Variants in ZNF585A observed in about 807,000 individuals in gnomAD.
The protein encoded by ZNF585A is zinc finger protein 585A.
A neutral mutation model predicts 14.9 loss-of-function variants in ZNF585A; 9 were observed. That is an observed-to-expected ratio of 0.60 (90% CI 0.36 to 1.05). ZNF585A has a LOEUF of 1.05. ZNF585A is among the 50% of genes least tolerant of loss of function. The pLI, the probability that ZNF585A is intolerant of heterozygous loss-of-function variation, is 0.01. For missense variants in ZNF585A, 726 were observed against 926.4 expected (o/e 0.78, Z 2.81); for synonymous variants, 276 against 319.9 (o/e 0.86, Z 1.46).
intron 2 of ZNF585A, among the ~76,000 whole-genome samples, chr19:37,166,373 G>T (rs1048944670): frequency 7.4e-5 from 11 of 148,860 alleles, no homozygotes; most frequent in Non-Finnish European, 1.5e-5. Context: ...AGGCTGGAGT[G>T]CAGTGGCACA....
chr19:37,157,886 TTC>T (rs1444295478), intron 2 of ZNF585A, among the ~76,000 whole-genome samples: 2 of 146,722 alleles, frequency 1.4e-5, no homozygotes, highest in African/African-American at 5.2e-5. Flanking sequence ...TGAGGAAAAG[TTC>T]TTTTTTTTTT....
At chr19:37,162,993 C>T (rs1972034261) in intron 2 of ZNF585A, among the ~76,000 whole-genome samples, 1 of 151,996 alleles carries the variant, frequency 6.6e-6, no homozygotes, top group Non-Finnish European at 1.5e-5. Context: ...AAAAAGTTCC[C>T]TATATACCTG....
intron 2 of ZNF585A, among the ~76,000 whole-genome samples, chr19:37,158,213 G>A (rs943302968): frequency 1.3e-5 from 2 of 152,040 alleles, no homozygotes; most frequent in Non-Finnish European, 2.9e-5. Context: ...AATGATTCTA[G>A]CTAATAAATA....
At position 37,149,006 on chromosome 19, in the gene ZNF585A, C is replaced by G. The variant is rs548117955; in HGVS notation, c.*2583G>C. Reference sequence around the variant, plus strand: ...AGGATTAGAGGAGATGAAGGGATGACAGGCAGAACACAGAGGATTTTTAGG... The same window carrying G: ...AGGATTAGAGGAGATGAAGGGATGAGAGGCAGAACACAGAGGATTTTTAGG... On this transcript the variant is annotated 3_prime_UTR_variant, in exon 5 of 5. Transcript: ENST00000292841. 1 of 152,138 alleles carries G rather than the reference C, an allele frequency of 6.6e-6. No individual in the cohort carries two copies. The allele number at this position is 152,138 out of a possible 1,614,324, so 9.4% of individuals were successfully genotyped here.
intron 1 of ZNF585A, among the ~76,000 whole-genome samples, chr19:37,172,166 T>A (rs961227781): frequency 6.6e-6 from 1 of 152,138 alleles, no homozygotes. Flanking sequence ...ACGAACTAGG[T>A]CATAAAGCAA....
At chr19:37,158,849 C>T (rs1260061654) in intron 2 of ZNF585A, among the ~76,000 whole-genome samples, 1 of 152,170 alleles carries the variant, frequency 6.6e-6, no homozygotes, top group Non-Finnish European at 1.5e-5. Context: ...GAATTCATAT[C>T]TCTCCGAGAT....
chr19:37,154,830 A>G (rs947122509), intron 4 of ZNF585A, among the ~76,000 whole-genome samples: 5 of 151,688 alleles, frequency 3.3e-5, no homozygotes, highest in Non-Finnish European at 5.9e-5. Context: ...AGAAAAAAGA[A>G]AAGAAATAAA....
At chr19:37,165,694 A>T in intron 2 of ZNF585A, 1 of 978,640 alleles carries the variant, frequency 1.0e-6, no homozygotes, top group Non-Finnish European at 1.2e-6. Flanking sequence ...ATCAAGGTTA[A>T]CACTGTAAAC....
chr19:37,169,447 AAAAAG>A (rs1166690277), intron 2 of ZNF585A, among the ~76,000 whole-genome samples: 2 of 151,932 alleles, frequency 1.3e-5, no homozygotes, highest in Non-Finnish European at 2.9e-5. Context: ...AAAAAAAAAA[AAAAAG>A]AAAGAAAGAA....
rs781777230 is a variant in ZNF585A, at chr19:37,170,012, G to A, written c.-102C>T. ...CTCTGAAGAGATGGGCTGGAGTCTA[G>A]AGGAAAATCTGGCCCAGGGGCTCCC... On this transcript the variant is annotated 5_prime_UTR_variant, in exon 2 of 5. Transcript: ENST00000292841. The A allele has an allele frequency of 6.9e-5, 100 of 1,442,916 alleles. No individual in the cohort carries two copies. The highest frequency in any genetic ancestry group is 8.8e-5 in the Non-Finnish European group (94 of 1,068,800). 89.4% of individuals were successfully genotyped at this position (1,442,916 alleles called of 1,614,324 possible).
rs1568494092 is a variant in ZNF585A, at chr19:37,153,534, T to A, written c.365A>T (p.Lys122Ile). The change falls in exon 5 of 5, where the codon AAA becomes ATA. Residue 122 changes from lysine (K) to isoleucine (I), a missense_variant. Lys to Ile is a moderately radical substitution (Grantham distance 102). Around this residue, in one of 2 missense-constraint regions of ZNF585A, gnomAD observed 483 missense variants for 542.8 expected, o/e 0.89. Transcript: ENST00000292841. ...ATAAGCTTTCTCCCCAGGATACATTTTTTGAGGTTGAGAGGATACTTGTTT... is the reference window on the plus strand; with the variant it reads ...ATAAGCTTTCTCCCCAGGATACATTATTTGAGGTTGAGAGGATACTTGTTT... ...SYKQVSSQPQ[K>I]MYPGEKAYEC... is the part of the protein sequence containing the mutation. 6.2e-7 allele frequency: 1 copy of A among 1,614,156 alleles called. No individual in the cohort carries two copies. Among genetic ancestry groups the A allele is most frequent in the Admixed American group, 1.7e-5 (1 of 60,028 alleles).
intron 2 of ZNF585A, 29 bp from the exon 3 acceptor site, chr19:37,156,384 C>A (rs751477491): frequency 5.0e-6 from 8 of 1,613,538 alleles, no homozygotes; most frequent in Non-Finnish European, 6.8e-6. Context: ...GTTCAATGTG[C>A]ACAGTCAGCT....
At chr19:37,167,374 C>T (rs1972108860) in intron 2 of ZNF585A, among the ~76,000 whole-genome samples, 1 of 151,948 alleles carries the variant, frequency 6.6e-6, no homozygotes, top group South Asian at 2.1e-4. Flanking sequence ...GGAGTTTCAC[C>T]ATGTTGGCCA....
In ZNF585A at chr19:37,158,107, C is replaced by T. The variant is rs552097683; in HGVS notation, c.73-1752G>A. Reference sequence around the variant, plus strand: ...TTCACCATGCTGGCCAGGATGGTCTCGATCTCCTGACCTCACGATCTACCT... The same window carrying T: ...TTCACCATGCTGGCCAGGATGGTCTTGATCTCCTGACCTCACGATCTACCT... On this transcript the variant is annotated intron_variant, in intron 2 of 4. Coordinates refer to ENST00000292841, the MANE Select transcript of ZNF585A (RefSeq NM_001288800.2). 1.2e-4 allele frequency among the ~76,000 whole-genome samples: 18 copies of T among 152,146 alleles called. No individual in the cohort carries two copies. In the South Asian group the frequency reaches 2.7e-3, roughly 23 times the overall value.
At position 37,156,326 on chromosome 19, in the gene ZNF585A, G is replaced by A. The variant is rs773193616; in HGVS notation, c.102C>T (p.Ile34=). 13 of 1,613,994 alleles carry A rather than the reference G, an allele frequency of 8.1e-6. No individual in the cohort carries two copies. Among genetic ancestry groups the A allele is most frequent in the East Asian group, 2.2e-5 (1 of 44,890 alleles). The change falls in exon 3 of 5, where the codon ATC becomes ATT. Residue 34 remains isoleucine, a synonymous_variant. Coordinates refer to ENST00000292841, the MANE Select transcript of ZNF585A (RefSeq NM_001288800.2). ...GCCGCCATTCCTCTCTGCTGAAATCGATAGCCACATCCCTGAAGGACACTG... is the reference window on the plus strand; with the variant it reads ...GCCGCCATTCCTCTCTGCTGAAATCAATAGCCACATCCCTGAAGGACACTG... ...EGSVSFRDVA[I]DFSREEWRHL...
At chr19:37,170,386 A>G (rs1324523165) in intron 1 of ZNF585A, among the ~76,000 whole-genome samples, 3 of 152,236 alleles carry the variant, frequency 2.0e-5, no homozygotes, top group African/African-American at 7.2e-5. Flanking sequence ...TGTGATAGGT[A>G]TTAGTTACGG....
At chr19:37,172,347 C>T (rs767337306) in intron 1 of ZNF585A, 2 of 152,176 alleles carry the variant, frequency 1.3e-5, no homozygotes, top group Non-Finnish European at 2.9e-5. Context: ...GAACTTTCAA[C>T]TCAGGTTAGA....
intron 4 of ZNF585A, among the ~76,000 whole-genome samples, chr19:37,154,879 C>T (rs1042779052): frequency 1.9e-4 from 28 of 151,000 alleles, no homozygotes; most frequent in African/African-American, 6.3e-4. Context: ...CACAGAGTAA[C>T]TTTGAAAGAA....
At chr19:37,156,108 A>T (rs1168102884) in intron 3 of ZNF585A, 121 bp downstream of exon 3, 6 of 1,547,036 alleles carry the variant, frequency 3.9e-6, no homozygotes, top group Non-Finnish European at 5.2e-6. Flanking sequence ...ACAAATAAAG[A>T]ATCCTAGACA....
Sources: allele counts gnomAD v4.1 joint callset (sites outside exome capture counted in the v4.1 genomes callset), GRCh38; gene constraint gnomAD v4.1.1; regional missense constraint gnomAD v4.1.1; transcripts MANE v1.5; gene names NCBI Gene and HGNC (gene_info 2026-07-23, HGNC 2026-07-21).